Variants in SLAIN2 observed in about 807,000 individuals in gnomAD.
SLAIN2 encodes SLAIN motif-containing protein 2.
Under a neutral mutation model 56.6 loss-of-function variants are expected in SLAIN2, and 31 were observed. The observed-to-expected ratio is 0.55, with a 90% CI of 0.41 to 0.74. The LOEUF (loss-of-function observed/expected upper bound fraction) is 0.74. SLAIN2 is among the 30% of genes least tolerant of loss of function. The pLI is 0.00. For missense variants in SLAIN2, 777 were observed against 754.2 expected (o/e 1.03, Z -0.35); for synonymous variants, 317 against 284.9 (o/e 1.11, Z -1.13).
chr4:48,414,317 G>T (rs1243280356), intron 6 of SLAIN2, among the ~76,000 whole-genome samples: 2 of 152,126 alleles, frequency 1.3e-5, no homozygotes, highest in African/African-American at 4.8e-5. Context: ...GTTCTGAGTG[G>T]CATTGTTGAA....
At chr4:48,412,764 G>A (rs964133598) in intron 6 of SLAIN2, among the ~76,000 whole-genome samples, 4 of 151,992 alleles carry the variant, frequency 2.6e-5, no homozygotes, top group African/African-American at 9.7e-5. Flanking sequence ...AATAATAGTC[G>A]TGTACGTTAA....
At chr4:48,346,535 G>A (rs1484663433) in intron 1 of SLAIN2, among the ~76,000 whole-genome samples, 3 of 152,214 alleles carry the variant, frequency 2.0e-5, no homozygotes, top group African/African-American at 7.2e-5. Flanking sequence ...CTTCACTGCT[G>A]AGAGTTGATT....
chr4:48,402,947 ACAGT>A (rs1421554926), intron 6 of SLAIN2, among the ~76,000 whole-genome samples: 1 of 152,000 alleles, frequency 6.6e-6, no homozygotes, highest in African/African-American at 2.4e-5. Context: ...TCTGTTTTTA[ACAGT>A]CAGGCCCTTC....
chr4:48,362,462 A>T (rs942736860), intron 1 of SLAIN2, among the ~76,000 whole-genome samples: 2 of 132,848 alleles, frequency 1.5e-5, no homozygotes, highest in African/African-American at 5.8e-5. Context: ...TCTGTCGCCC[A>T]GGGTGGAGTG....
At chr4:48,379,947 T>C (rs1431774939) in intron 4 of SLAIN2, 99 bp downstream of exon 4, 1 of 1,102,112 alleles carries the variant, frequency 9.1e-7, no homozygotes, top group African/African-American at 1.6e-5. Context: ...AGTAATGTAG[T>C]GAAAGTAGAA....
rs759488554 is a variant in SLAIN2, at chr4:48,420,400, G to A, written c.1636G>A (p.Gly546Ser). 8 of 1,613,864 alleles carry A rather than the reference G, an allele frequency of 5.0e-6. No homozygotes were observed. In the African/African-American group the frequency reaches 8.0e-5, roughly 16 times the overall value. ...CAGACCCAGTGCCCCTTCTGCTGGG[G>A]GCATACCAGTGCCTCGCAGCAAACT... ...LPRPSAPSAGGIPVPRSKLAQ... is the reference protein window; with the variant it reads ...LPRPSAPSAGSIPVPRSKLAQ... The change falls in exon 7 of 8, where the codon GGC (glycine) becomes AGC (serine). Residue 546 changes from glycine to serine, a missense_variant. Gly to Ser is a moderately conservative substitution (Grantham distance 56). Transcript: ENST00000264313.
chr4:48,365,866 T>G (rs1407748836), intron 1 of SLAIN2, among the ~76,000 whole-genome samples: 1 of 152,224 alleles, frequency 6.6e-6, no homozygotes, highest in Non-Finnish European at 1.5e-5. Flanking sequence ...CCCAGCCTAC[T>G]TTGGGTTTAA....
At chr4:48,413,849 G>A (rs1716929093) in intron 6 of SLAIN2, among the ~76,000 whole-genome samples, 2 of 152,080 alleles carry the variant, frequency 1.3e-5, no homozygotes, top group South Asian at 4.1e-4. Context: ...GTATTGCTAG[G>A]TACATGTTGG....
chr4:48,377,975 C>T lies in SLAIN2; in HGVS notation c.618C>T (p.Ser206=). 1.2e-6 allele frequency: 2 copies of T among 1,613,866 alleles called. No individual in the cohort carries two copies. The highest frequency in any genetic ancestry group is 1.7e-6 in the Non-Finnish European group (2 of 1,179,830). ...GTCCTTACAGTCCAAATGCCAGTAG[C>T]CCATACAGCAGTGGCTTCAATTCTC... ...YTSPYSPNAS[S]PYSSGFNSPS... The change falls in exon 3 of 8, where the codon AGC becomes AGT. Residue 206 remains serine (S), a synonymous_variant. Transcript: ENST00000264313.
intron 6 of SLAIN2, among the ~76,000 whole-genome samples, chr4:48,408,554 A>G (rs1172031642): frequency 2.1e-5 from 3 of 142,942 alleles, no homozygotes; most frequent in African/African-American, 7.6e-5. Context: ...AAAAAAATTC[A>G]GGTGAAATAA....
At chr4:48,366,886 A>C (rs1053830276) in intron 1 of SLAIN2, among the ~76,000 whole-genome samples, 1 of 152,148 alleles carries the variant, frequency 6.6e-6, no homozygotes, top group Non-Finnish European at 1.5e-5. Flanking sequence ...ACTGTAAATA[A>C]ACTTGCTGTG....
intron 1 of SLAIN2, among the ~76,000 whole-genome samples, chr4:48,357,970 AT>A (rs1715205469): frequency 1.3e-5 from 2 of 152,200 alleles, no homozygotes; most frequent in Non-Finnish European, 2.9e-5. Flanking sequence ...CAGTATTGGA[AT>A]TACAGGTGTG....
At chr4:48,342,237 C>A in intron 1 of SLAIN2, 109 bp downstream of exon 1, 1 of 1,272,548 alleles carries the variant, frequency 7.9e-7, no homozygotes, top group South Asian at 2.2e-5. Context: ...GCCGGGTCCG[C>A]TCTCCTGTGG....
At chr4:48,390,367 A>T (rs1716208656) in intron 6 of SLAIN2, among the ~76,000 whole-genome samples, 1 of 152,118 alleles carries the variant, frequency 6.6e-6, no homozygotes, top group African/African-American at 2.4e-5. Context: ...ACTTCTAAGA[A>T]ATAAAAGATT....
chr4:48,377,949 A>G lies in SLAIN2; in HGVS notation c.592A>G (p.Ser198Gly), dbSNP rs1322434177. 6.2e-7 allele frequency: 1 copy of G among 1,613,850 alleles called. No homozygotes were observed. Among genetic ancestry groups the G allele is most frequent in the Non-Finnish European group, 8.5e-7 (1 of 1,179,878 alleles). ...TCCTTTCAACTCTATGAGTTACACC[A>G]GTCCTTACAGTCCAAATGCCAGTAG... The part of the protein sequence containing the change: ...NNPFNSMSYT[S>G]PYSPNASSPY... Residue 198 changes from serine to glycine, a missense_variant, in exon 3 of 8, where the codon AGT becomes GGT. By Grantham distance (56) the Ser-to-Gly change is moderately conservative. Transcript: ENST00000264313.
chr4:48,348,580 C>T lies in SLAIN2; in HGVS notation c.389+6452C>T, dbSNP rs200570165. 4.6e-5 allele frequency among the ~76,000 whole-genome samples: 7 copies of T among 151,416 alleles called. No homozygotes were observed. The East Asian group carries it at 1.2e-3, about 25-fold the overall frequency. The stretch of plus-strand genomic sequence containing the variant: ...TGGTGGGCGCCTGTAATCCCAGCTA[C>T]TTGGGAGGCTGAGGGAGGAGAATTG... On this transcript the variant is annotated intron_variant, in intron 1 of 7. Coordinates refer to ENST00000264313, the MANE Select transcript of SLAIN2 (RefSeq NM_020846.2).
intron 6 of SLAIN2, among the ~76,000 whole-genome samples, chr4:48,418,090 T>TTCCTCTTCC (rs1055942366): frequency 2.1e-5 from 3 of 145,144 alleles, no homozygotes; most frequent in Non-Finnish European, 3.1e-5. Context: ...CTTCTTCTTC[T>TTCCTCTTCC]TCCTCTTCCT....
intron 6 of SLAIN2, among the ~76,000 whole-genome samples, chr4:48,419,111 T>TC: frequency 6.7e-6 from 1 of 150,188 alleles, no homozygotes; most frequent in Middle Eastern, 3.4e-3. Flanking sequence ...CTGTTTTCCT[T>TC]TTTTTTTTTG....
chr4:48,367,234 A>C (rs1715543782), intron 1 of SLAIN2, among the ~76,000 whole-genome samples: 1 of 152,226 alleles, frequency 6.6e-6, no homozygotes, highest in Non-Finnish European at 1.5e-5. Context: ...TGACCAAGGA[A>C]TTTTGTGCCA....
Sources: gnomAD v4.1 joint callset for allele counts (sites outside exome capture counted in the v4.1 genomes callset) on GRCh38, gnomAD v4.1.1 for gene constraint, MANE v1.5 for transcripts, NCBI Gene and HGNC (gene_info 2026-07-23, HGNC 2026-07-21) for gene names.